CCDC148: variants seen among roughly 807,000 people sequenced by gnomAD.
CCDC148 encodes coiled-coil domain containing 148.
A neutral mutation model predicts 85.7 loss-of-function variants in CCDC148; 89 were observed. The observed-to-expected ratio is 1.04, with a 90% CI of 0.87 to 1.24. The LOEUF (loss-of-function observed/expected upper bound fraction) is 1.24, where lower values mean the gene tolerates loss of function less well. Ranked by LOEUF, CCDC148 falls within the 50% of genes most tolerant of loss-of-function variation. The pLI, the probability that CCDC148 is intolerant of heterozygous loss-of-function variation, is 0.00. For synonymous variants in CCDC148, 230 were observed against 213.9 expected (o/e 1.08, Z -0.66); for missense variants, 692 against 671.7 (o/e 1.03, Z -0.33).
intron 1 of CCDC148, among the ~76,000 whole-genome samples, chr2:158,431,979 T>A (rs1424811915): frequency 6.6e-6 from 1 of 151,966 alleles, no homozygotes; most frequent in African/African-American, 2.4e-5. Context: ...TTACCACACA[T>A]ATACATGAAA....
At position 158,346,269 on chromosome 2, in the gene CCDC148, A is replaced by C. The variant is rs1309858912; in HGVS notation, c.148-951T>G. Among the ~76,000 whole-genome samples, 3 of 152,188 alleles carry C rather than the reference A, an allele frequency of 2.0e-5. No homozygotes were observed. In the East Asian group the frequency reaches 5.8e-4, roughly 29 times the overall value. On this transcript the variant is annotated intron_variant, in intron 2 of 13. Coordinates refer to ENST00000283233, the MANE Select transcript of CCDC148 (RefSeq NM_138803.4). ...ATGGGAGACTGAAGGCAGGGAAGAAAGGAGAAGCCAAAGGATTATGTCATC... is the reference window on the plus strand; with the variant it reads ...ATGGGAGACTGAAGGCAGGGAAGAACGGAGAAGCCAAAGGATTATGTCATC...
At chr2:158,244,088 A>G (rs1688467838) in intron 10 of CCDC148, among the ~76,000 whole-genome samples, 2 of 152,082 alleles carry the variant, frequency 1.3e-5, no homozygotes, top group Admixed American at 1.3e-4. Context: ...GTTAACATCC[A>G]TATTTCTACT....
intron 11 of CCDC148, among the ~76,000 whole-genome samples, chr2:158,188,190 A>T (rs993575334): frequency 6.6e-6 from 1 of 152,008 alleles, no homozygotes; most frequent in African/African-American, 2.4e-5. Flanking sequence ...ATGTCTTATA[A>T]GATGGCTGCA....
intron 1 of CCDC148, among the ~76,000 whole-genome samples, chr2:158,455,270 T>C (rs1688580885): frequency 6.6e-6 from 1 of 152,156 alleles, no homozygotes; most frequent in African/African-American, 2.4e-5. Context: ...CCCCTGCTGA[T>C]CCCTTCTCAA....
chr2:158,298,613 C>T (rs1473101500), intron 9 of CCDC148, among the ~76,000 whole-genome samples: 1 of 152,098 alleles, frequency 6.6e-6, no homozygotes, highest in Non-Finnish European at 1.5e-5. Flanking sequence ...TTCAAGGTCA[C>T]TAATTCTGTC....
chr2:158,309,975 C>T (rs920200100), intron 8 of CCDC148, among the ~76,000 whole-genome samples: 2 of 152,186 alleles, frequency 1.3e-5, no homozygotes, highest in Admixed American at 6.5e-5. Context: ...CTCAGAGAGG[C>T]GGATTTGGCA....
intron 9 of CCDC148, among the ~76,000 whole-genome samples, chr2:158,293,315 C>T (rs1159844387): frequency 6.6e-6 from 1 of 152,156 alleles, no homozygotes; most frequent in Admixed American, 6.5e-5. Flanking sequence ...CTCATAGGAG[C>T]CAACACACCT....
intron 9 of CCDC148, among the ~76,000 whole-genome samples, chr2:158,274,101 T>C (rs370327443): frequency 6.6e-6 from 1 of 152,148 alleles, no homozygotes; most frequent in East Asian, 1.9e-4. Context: ...CAGATTTTAC[T>C]GGAATGTCCC....
intron 1 of CCDC148, among the ~76,000 whole-genome samples, chr2:158,445,712 A>G (rs1289006062): frequency 1.4e-4 from 21 of 152,196 alleles, no homozygotes; most frequent in Admixed American, 1.2e-3. Flanking sequence ...TTTTGAGGAT[A>G]TATTTCCAAA....
rs397841125 is a variant in CCDC148 at position 158,178,840 on chromosome 2, T to TTA, written c.1488+38_1488+39insTA. ...TAAGAGCACTTAGAAACATTTTTTT[T>TTA]AAAAAAACCACCCATGAAAATTTCC... On this transcript the variant is annotated intron_variant, in intron 12 of 13. Coordinates refer to ENST00000283233, the MANE Select transcript of CCDC148 (RefSeq NM_138803.4). 126 of 1,420,794 alleles carry TTA rather than the reference T, an allele frequency of 8.9e-5. No homozygotes were observed. In the East Asian group the frequency reaches 2.2e-3, roughly 25 times the overall value. 88.0% of individuals were successfully genotyped at this position (1,420,794 alleles called of 1,614,324 possible).
At chr2:158,447,446 C>A (rs1457638122) in intron 1 of CCDC148, 4 of 152,192 alleles carry the variant, frequency 2.6e-5, no homozygotes, top group African/African-American at 9.7e-5. Flanking sequence ...TACATGCATG[C>A]AACATTGTGT....
chr2:158,291,690 C>A (rs999159120), intron 9 of CCDC148, among the ~76,000 whole-genome samples: 5 of 152,158 alleles, frequency 3.3e-5, no homozygotes, highest in African/African-American at 1.2e-4. Context: ...CCATAACAGC[C>A]AAATGTTTAT....
intron 10 of CCDC148, among the ~76,000 whole-genome samples, chr2:158,244,329 A>G (rs115138078): frequency 1.1e-3 from 172 of 152,296 alleles, no homozygotes; most frequent in African/African-American, 4.0e-3. Flanking sequence ...CTCACTTGCT[A>G]GCTCAGAATT....
rs115049594 is a variant in CCDC148, at chr2:158,369,935, G to C, written c.26-11365C>G. Among the ~76,000 whole-genome samples the C allele has an allele frequency of 4.0e-3, 615 of 152,202 alleles. 2 individuals carry two copies. Among genetic ancestry groups the C allele is most frequent in the East Asian group, 0.035 (182 of 5,182 alleles). On this transcript the variant is annotated intron_variant, in intron 1 of 13. Coordinates refer to ENST00000283233, the MANE Select transcript of CCDC148 (RefSeq NM_138803.4). ...CTGTGTCTATTGAGAAAATCATCTGGTTTTGTCTTTAGTTCTGTTTATGTG... is the reference window on the plus strand; with the variant it reads ...CTGTGTCTATTGAGAAAATCATCTGCTTTTGTCTTTAGTTCTGTTTATGTG...
At chr2:158,230,870 T>C (rs987891163) in intron 10 of CCDC148, among the ~76,000 whole-genome samples, 7 of 152,124 alleles carry the variant, frequency 4.6e-5, no homozygotes, top group African/African-American at 1.4e-4. Context: ...AGAGATTCCA[T>C]GTGAAGATTG....
intron 9 of CCDC148, among the ~76,000 whole-genome samples, chr2:158,260,410 AT>A (rs1324627927): frequency 1.2e-4 from 19 of 152,140 alleles, no homozygotes; most frequent in African/African-American, 3.6e-4. Context: ...CATCATATTG[AT>A]TGGGCAAAAG....
chr2:158,431,582 A>G (rs1252333986), intron 1 of CCDC148, among the ~76,000 whole-genome samples: 2 of 152,146 alleles, frequency 1.3e-5, no homozygotes, highest in Non-Finnish European at 2.9e-5. Context: ...CAGGAAAACA[A>G]AAGAGAAGAG....
chr2:158,295,458 T>C (rs1378961340), intron 9 of CCDC148, among the ~76,000 whole-genome samples: 1 of 151,866 alleles, frequency 6.6e-6, no homozygotes, highest in East Asian at 1.9e-4. Flanking sequence ...TGATGAACAC[T>C]GACGCGAAAA....
At chr2:158,182,590 C>G (rs868416052) in intron 11 of CCDC148, among the ~76,000 whole-genome samples, 2 of 152,034 alleles carry the variant, frequency 1.3e-5, no homozygotes, top group Admixed American at 6.6e-5. Context: ...CAAGGCGGAG[C>G]TGGAGGGTGC....
Sources: gnomAD v4.1 joint callset for allele counts (sites outside exome capture counted in the v4.1 genomes callset) on GRCh38, gnomAD v4.1.1 for gene constraint, MANE v1.5 for transcripts, NCBI Gene and HGNC (gene_info 2026-07-23, HGNC 2026-07-21) for gene names.